MED13L: variants seen among roughly 807,000 people sequenced by gnomAD.
MED13L encodes the protein mediator of RNA polymerase II transcription subunit 13-like.
In MED13L, 7 loss-of-function variants were observed where a neutral mutation model predicts 220.9. The ratio of observed to expected loss-of-function variants is 0.03; its 90% CI spans 0.02 to 0.06. The LOEUF is 0.06. MED13L is among the 10% of genes least tolerant of loss of function. The pLI, the probability that MED13L is intolerant of heterozygous loss-of-function variation, is 1.00. For missense variants in MED13L, 1,965 were observed against 2,760.5 expected (o/e 0.71, Z 6.46); for synonymous variants, 1,011 against 1,015.2 (o/e 1.00, Z 0.08).
intron 2 of MED13L, among the ~76,000 whole-genome samples, chr12:116,219,635 T>C (rs1229182389): frequency 1.3e-5 from 2 of 152,212 alleles, no homozygotes; most frequent in Admixed American, 1.3e-4. Context: ...TATTAATTGT[T>C]TGAAATTTAA....
chr12:115,990,093 T>C (rs1401440797), intron 17 of MED13L, among the ~76,000 whole-genome samples: 1 of 152,156 alleles, frequency 6.6e-6, no homozygotes, highest in African/African-American at 2.4e-5. Flanking sequence ...TCGCGTCAGT[T>C]TCTAAAGGCC....
In MED13L at chr12:116,022,498, C is replaced by T. The variant is rs374748495; in HGVS notation, c.583G>A (p.Glu195Lys). The change falls in exon 5 of 31, where the codon GAG becomes AAG. Residue 195 changes from glutamate to lysine, a missense_variant. Transcript: ENST00000281928. ...GAAGACTGAGCCATGTGTATATGCT[C>T]CTCATTGATCAAATAAATTGGCTGG... The part of the protein sequence containing the change: ...QHQPIYLINE[E>K]HIHMAQSSPA... 6.2e-7 allele frequency: 1 copy of T among 1,613,630 alleles called. No homozygotes were observed. The highest frequency in any genetic ancestry group is 1.3e-5 in the African/African-American group (1 of 74,890).
chr12:116,012,073 A>T (rs900340777), intron 9 of MED13L, among the ~76,000 whole-genome samples: 1 of 152,222 alleles, frequency 6.6e-6, no homozygotes, highest in African/African-American at 2.4e-5. Context: ...ATATTTCAGA[A>T]GCAGGGCTAC....
chr12:116,072,605 C>T (rs1314554150), intron 4 of MED13L, among the ~76,000 whole-genome samples: 2 of 152,146 alleles, frequency 1.3e-5, no homozygotes, highest in Non-Finnish European at 2.9e-5. Context: ...GTGCATGCCA[C>T]GATGCCCGGC....
At chr12:116,117,197 T>C (rs1387006997) in intron 2 of MED13L, among the ~76,000 whole-genome samples, 3 of 152,074 alleles carry the variant, frequency 2.0e-5, no homozygotes, top group Admixed American at 6.6e-5. Context: ...TCAGACTATG[T>C]GCTGTATGAT....
chr12:116,276,382 G>C, intron 1 of MED13L: 3 of 1,226,584 alleles, frequency 2.4e-6, no homozygotes, highest in Non-Finnish European at 3.2e-6. Context: ...GAGAAAAACA[G>C]TTTTTAAAAG....
In MED13L at chr12:115,968,063, C is replaced by A. The variant is rs867336882; in HGVS notation, c.6225+877G>T. Among the ~76,000 whole-genome samples, 16 of 136,326 alleles carry A rather than the reference C, an allele frequency of 1.2e-4. 1 individual carries two copies. The highest frequency in any genetic ancestry group is 3.6e-3 in the Middle Eastern group (1 of 276). The allele number at this position is 136,326 out of a possible 152,430, so 89.4% of individuals were successfully genotyped here. ...TGCTGGGAATAAAAGTCCCCCCCCCCCCCCGATGAAAACTGAAGTCCTTTA... is the reference window on the plus strand; with the variant it reads ...TGCTGGGAATAAAAGTCCCCCCCCCACCCCGATGAAAACTGAAGTCCTTTA... On this transcript the variant is annotated intron_variant, in intron 28 of 30. Transcript: ENST00000281928.
At chr12:116,093,859 C>T (rs1021040808) in intron 4 of MED13L, among the ~76,000 whole-genome samples, 3 of 152,098 alleles carry the variant, frequency 2.0e-5, no homozygotes, top group African/African-American at 7.2e-5. Context: ...AAAAAAGACA[C>T]AACTAAACTT....
intron 4 of MED13L, among the ~76,000 whole-genome samples, chr12:116,064,147 CCACTG>C (rs757506179): frequency 2.0e-5 from 3 of 152,008 alleles, no homozygotes; most frequent in Non-Finnish European, 4.4e-5. Context: ...CACGAATGTG[CCACTG>C]CACTTGGGTG....
rs190886453 is a variant in MED13L, at chr12:116,124,879, T to A, written c.311-13367A>T. On this transcript the variant is annotated intron_variant, in intron 2 of 30. Coordinates refer to ENST00000281928, the MANE Select transcript of MED13L (RefSeq NM_015335.5). ...CACATGTGTGTTGCTGGGTTGTAGT[T>A]TATAGAGAATTTGGTAGTTGACAGG... Among the ~76,000 whole-genome samples the A allele has an allele frequency of 2.0e-5, 3 of 152,324 alleles. No homozygotes were observed. The East Asian group carries it at 5.8e-4, about 29-fold the overall frequency.
At chr12:116,255,933 G>A (rs889064711) in intron 1 of MED13L, among the ~76,000 whole-genome samples, 1 of 152,128 alleles carries the variant, frequency 6.6e-6, no homozygotes, top group Non-Finnish European at 1.5e-5. Flanking sequence ...CGCTCAGCCA[G>A]TATAATGCAA....
At chr12:116,064,133 G>A (rs529494442) in intron 4 of MED13L, among the ~76,000 whole-genome samples, 2 of 151,762 alleles carry the variant, frequency 1.3e-5, no homozygotes, top group Non-Finnish European at 2.9e-5. Context: ...AGTCTGCAGT[G>A]AGCCACGAAT....
At chr12:116,031,336 T>C (rs1319240530) in intron 4 of MED13L, among the ~76,000 whole-genome samples, 2 of 151,846 alleles carry the variant, frequency 1.3e-5, no homozygotes, top group East Asian at 1.9e-4. Context: ...TCCAAGCACT[T>C]TGGGAGGCAG....
Position 115,989,544 on chromosome 12 carries a change from T to C in MED13L, c.3934+1476A>G, listed in dbSNP as rs1350701342. On this transcript the variant is annotated intron_variant, in intron 17 of 30. Coordinates refer to ENST00000281928, the MANE Select transcript of MED13L (RefSeq NM_015335.5). The stretch of plus-strand genomic sequence containing the variant: ...CCCTTAATTGAAGTTATCACCTATA[T>C]GCCAACCACTCCCTCTCCCCTGAGC... Among the ~76,000 whole-genome samples, 3 of 152,104 alleles carry C rather than the reference T, an allele frequency of 2.0e-5. No homozygotes were observed. In the East Asian group the frequency reaches 5.8e-4, roughly 29 times the overall value.
At chr12:116,046,468 T>C (rs965288582) in intron 4 of MED13L, among the ~76,000 whole-genome samples, 1 of 152,246 alleles carries the variant, frequency 6.6e-6, no homozygotes, top group Non-Finnish European at 1.5e-5. Context: ...CTTTGTCTTT[T>C]GTTACCTTCG....
intron 1 of MED13L, among the ~76,000 whole-genome samples, chr12:116,254,116 G>A (rs1871827863): frequency 6.6e-6 from 1 of 152,022 alleles, no homozygotes; most frequent in South Asian, 2.1e-4. Flanking sequence ...GGGGATATCA[G>A]AAAATTCAAA....
intron 2 of MED13L, among the ~76,000 whole-genome samples, chr12:116,124,475 T>C (rs1312058191): frequency 6.6e-6 from 1 of 152,208 alleles, no homozygotes; most frequent in Non-Finnish European, 1.5e-5. Context: ...GTATCCTTTT[T>C]TCCATTATCT....
At chr12:116,182,210 T>A (rs1880576112) in intron 2 of MED13L, among the ~76,000 whole-genome samples, 1 of 152,176 alleles carries the variant, frequency 6.6e-6, no homozygotes, top group African/African-American at 2.4e-5. Flanking sequence ...TTGAATATGG[T>A]TAGAAAAAAA....
At chr12:116,266,638 G>C (rs932707055) in intron 1 of MED13L, among the ~76,000 whole-genome samples, 5 of 152,148 alleles carry the variant, frequency 3.3e-5, no homozygotes, top group African/African-American at 9.7e-5. Context: ...TTTTATAATA[G>C]ACCTAATTAA....
Sources: allele counts gnomAD v4.1 joint callset (sites outside exome capture counted in the v4.1 genomes callset), GRCh38; gene constraint gnomAD v4.1.1; transcripts MANE v1.5; gene names NCBI Gene and HGNC (gene_info 2026-07-23, HGNC 2026-07-21).